Variants in KCNA6 observed in about 807,000 individuals in gnomAD.
The protein encoded by KCNA6 is human brain potassium channel-2.
In KCNA6, 17 loss-of-function variants were observed where a neutral mutation model predicts 29.5. The observed-to-expected ratio is 0.58, with a 90% CI of 0.39 to 0.86. The LOEUF is 0.86. Among genes scored for constraint, KCNA6 ranks in the 40% least tolerant of loss-of-function variants. The pLI, the probability that KCNA6 is intolerant of heterozygous loss-of-function variation, is 0.00. For synonymous variants in KCNA6, 296 were observed against 304.7 expected (o/e 0.97, Z 0.30); for missense variants, 450 against 703.4 (o/e 0.64, Z 4.07).
the KCNA6 span, among the ~76,000 whole-genome samples, chr12:4,833,542 T>A: frequency 6.6e-6 from 1 of 152,238 alleles, no homozygotes; most frequent in Non-Finnish European, 1.5e-5. Context: ...AGCTTCAAGG[T>A]CACATTGCCA....
chr12:4,847,919 G>T, the KCNA6 span, among the ~76,000 whole-genome samples: 15 of 152,154 alleles, frequency 9.9e-5, no homozygotes, highest in South Asian at 1.7e-3. Flanking sequence ...GAATCCTTTG[G>T]TTTTTCCAGG....
chr12:4,831,132 C>G, the KCNA6 span, among the ~76,000 whole-genome samples: 1 of 152,210 alleles, frequency 6.6e-6, no homozygotes, highest in Non-Finnish European at 1.5e-5. Flanking sequence ...AAGTGGCTTT[C>G]CTGCCAGGTG....
the KCNA6 span, among the ~76,000 whole-genome samples, chr12:4,825,836 A>G: frequency 6.6e-6 from 1 of 152,234 alleles, no homozygotes; most frequent in African/African-American, 2.4e-5. Context: ...TGCCAGGCAA[A>G]TGAGGTCGTC....
the KCNA6 span, among the ~76,000 whole-genome samples, chr12:4,841,726 AT>A: frequency 6.6e-6 from 1 of 152,188 alleles, no homozygotes; most frequent in African/African-American, 2.4e-5. Context: ...AGAAATTTAA[AT>A]TTTATATCTA....
At chr12:4,848,526 A>AAC in the KCNA6 span, among the ~76,000 whole-genome samples, 1,170 of 151,358 alleles carry the variant, frequency 7.7e-3, 16 homozygotes, top group African/African-American at 0.027. Context: ...AAAAAAAAAA[A>AAC]ATCCAACTTT....
Position 4,811,632 on chromosome 12 carries a change from C to G in KCNA6, c.*1C>G. ...GAAAAGAATGCTCACGGAGGTCTGACCCATGCAGGCAGGGCCTGCAGGAGG... is the reference window on the plus strand; with the variant it reads ...GAAAAGAATGCTCACGGAGGTCTGAGCCATGCAGGCAGGGCCTGCAGGAGG... On this transcript the variant is annotated 3_prime_UTR_variant, in exon 1 of 1. Coordinates refer to ENST00000280684, the Ensembl canonical transcript of KCNA6. The surrounding 1 kb of genome is among the most constrained non-coding windows in gnomAD (Gnocchi z 7.1). The G allele has an allele frequency of 6.2e-7, 1 of 1,610,538 alleles. No homozygotes were observed. The highest frequency in any genetic ancestry group is 1.3e-5 in the African/African-American group (1 of 74,990).
chr12:4,835,141 T>TG, the KCNA6 span, among the ~76,000 whole-genome samples: 1 of 151,408 alleles, frequency 6.6e-6, no homozygotes, highest in Non-Finnish European at 1.5e-5. Flanking sequence ...ATGATTTTTT[T>TG]TTTTTTTTTT....
chr12:4,835,934 G>GTTTTTTTTTTT, the KCNA6 span, among the ~76,000 whole-genome samples: 8 of 137,202 alleles, frequency 5.8e-5, no homozygotes, highest in African/African-American at 1.6e-4. Flanking sequence ...AAAAGTCGCT[G>GTTTTTTTTTTT]TTTTTTTTTT....
the KCNA6 span, among the ~76,000 whole-genome samples, chr12:4,845,936 G>A: frequency 1.3e-5 from 2 of 149,210 alleles, no homozygotes; most frequent in South Asian, 2.1e-4. Context: ...TACAGGTTGC[G>A]GATCCTTTAT....
the KCNA6 span, among the ~76,000 whole-genome samples, chr12:4,822,172 T>C: frequency 6.6e-6 from 1 of 152,166 alleles, no homozygotes; most frequent in African/African-American, 2.4e-5. Flanking sequence ...GCCATGTTTT[T>C]TCATAGGTGG....
chr12:4,849,360 A>C, the KCNA6 span, among the ~76,000 whole-genome samples: 7 of 150,608 alleles, frequency 4.6e-5, no homozygotes. Context: ...CCTGAATCAC[A>C]TGTGTGTGGG....
chr12:4,844,584 G>T, the KCNA6 span, among the ~76,000 whole-genome samples: 1 of 152,234 alleles, frequency 6.6e-6, no homozygotes, highest in East Asian at 1.9e-4. This position sits in a 1 kb window ranked among gnomAD's most constrained non-coding sequence, Gnocchi z 4.0. Context: ...AACAGCAAAG[G>T]GGCCTTTACT....
chr12:4,811,006 A>G lies in KCNA6; in HGVS notation c.965A>G (p.Gln322Arg). 6.2e-7 allele frequency: 1 copy of G among 1,614,236 alleles called. No individual in the cohort carries two copies. The highest frequency in any genetic ancestry group is 8.5e-7 in the Non-Finnish European group (1 of 1,180,046). ...GAGCTGGTGCAGCAGCAGGAGCAGC[A>G]ACCAGCCAGTGGAGGAGGCGGCCAG... Residue 322 changes from glutamine (Q) to arginine (R), a missense_variant, in exon 1 of 1, where the codon CAA (glutamine) becomes CGA (arginine). Gln to Arg is a conservative substitution (Grantham distance 43). This residue lies in a region of KCNA6 where 46 missense variants were observed against 80.2 expected (regional missense o/e 0.57). Transcript: ENST00000280684. The surrounding 1 kb of genome is among the most constrained non-coding windows in gnomAD (Gnocchi z 7.1).
At chr12:4,827,177 C>CCTCCTTCCCTCCTTCT in the KCNA6 span, among the ~76,000 whole-genome samples, 1 of 118,500 alleles carries the variant, frequency 8.4e-6, no homozygotes, top group Non-Finnish European at 1.7e-5. Flanking sequence ...TCCTTCTTTC[C>CCTCCTTCCCTCCTTCT]TTCCTTCCCT....
chr12:4,817,209 TA>T (rs1458416226), downstream of KCNA6, among the ~76,000 whole-genome samples: 1 of 152,184 alleles, frequency 6.6e-6, no homozygotes, highest in African/African-American at 2.4e-5. Flanking sequence ...TACTAGGTGG[TA>T]GGAGTTCCTC....
chr12:4,832,901 T>C, the KCNA6 span, among the ~76,000 whole-genome samples: 2 of 149,164 alleles, frequency 1.3e-5, no homozygotes, highest in African/African-American at 5.0e-5. Flanking sequence ...TTTCTAGAGA[T>C]ACATGTGCCA....
the KCNA6 span, chr12:4,850,914 C>A: frequency 2.4e-6 from 1 of 423,648 alleles, no homozygotes. This position sits in a 1 kb window ranked among gnomAD's most constrained non-coding sequence, Gnocchi z 5.4. Flanking sequence ...AAAGTTGAGA[C>A]CAGACCCGTT....
the KCNA6 span, among the ~76,000 whole-genome samples, chr12:4,821,682 A>G: frequency 1.3e-5 from 2 of 152,138 alleles, no homozygotes; most frequent in Non-Finnish European, 2.9e-5. Context: ...GGTTTCTCTT[A>G]AAAGCAAAGG....
At position 4,810,375 on chromosome 12, in the gene KCNA6, G is replaced by GT; in HGVS notation, c.335dup (p.Pro113AlafsTer53). On this transcript the variant is annotated frameshift_variant, in exon 1 of 1. Coordinates refer to ENST00000280684, the Ensembl canonical transcript of KCNA6. LOFTEE classifies it high-confidence loss of function. The surrounding 1 kb of genome is among the most constrained non-coding windows in gnomAD (Gnocchi z 7.5). Reference sequence around the variant, plus strand: ...GGGCCGCCTGCGGAGGCCGGTCAACGTGCCCCTGGACATTTTCCTGGAGGA... The same window carrying GT: ...GGGCCGCCTGCGGAGGCCGGTCAACGTTGCCCCTGGACATTTTCCTGGAGGA... 1 of 1,614,154 alleles carries GT rather than the reference G, an allele frequency of 6.2e-7. No individual in the cohort carries two copies. Among genetic ancestry groups the GT allele is most frequent in the Non-Finnish European group, 8.5e-7 (1 of 1,180,032 alleles).
Sources: allele counts gnomAD v4.1 joint callset (sites outside exome capture counted in the v4.1 genomes callset), GRCh38; gene constraint gnomAD v4.1.1; regional missense constraint gnomAD v4.1.1; non-coding constraint Gnocchi (gnomAD v3.1); transcripts MANE v1.5; gene names NCBI Gene and HGNC (gene_info 2026-07-23, HGNC 2026-07-21).